Variants in ABCG1 observed in about 807,000 individuals in gnomAD.
ABCG1 encodes the protein ATP binding cassette subfamily G member 1, also known as ATP-binding cassette sub-family G member 1.
In ABCG1, 29 loss-of-function variants were observed where a neutral mutation model predicts 69.2. The ratio of observed to expected loss-of-function variants is 0.42; its 90% CI spans 0.31 to 0.57. ABCG1 has a LOEUF of 0.57. ABCG1 is among the 20% of genes least tolerant of loss of function. The probability of loss-of-function intolerance (pLI) is 0.15; values close to 1 mark genes in which losing one functional copy is unlikely to be tolerated. For synonymous variants in ABCG1, 370 were observed against 374.8 expected (o/e 0.99, Z 0.15); for missense variants, 718 against 898.1 (o/e 0.80, Z 2.56).
At chr21:42,249,905 T>C (rs954185988) in intron 2 of ABCG1, among the ~76,000 whole-genome samples, 9 of 151,708 alleles carry the variant, frequency 5.9e-5, no homozygotes, top group African/African-American at 2.2e-4. Flanking sequence ...CTTGGGAGGC[T>C]GAGGCAGGAG....
rs2068824188 is a variant in ABCG1, at chr21:42,282,270, C to A, written c.589-4C>A. 6.2e-7 allele frequency: 1 copy of A among 1,610,628 alleles called. No individual in the cohort carries two copies. Among genetic ancestry groups the A allele is most frequent in the Non-Finnish European group, 8.5e-7 (1 of 1,179,258 alleles). ...CCCAATGTCTCTCGTTCTGTTGCCC[C>A]CAGGTCAAGGAGATACTGACAGCGC... On this transcript the variant is annotated splice_polypyrimidine_tract_variant and splice_region_variant and intron_variant, in intron 5 of 14. Transcript: ENST00000398449.
At chr21:42,224,871 A>G (rs185790428) in intron 1 of ABCG1, among the ~76,000 whole-genome samples, 185 of 152,178 alleles carry the variant, frequency 1.2e-3, no homozygotes, top group African/African-American at 3.8e-3. Flanking sequence ...TTGACTCCCA[A>G]TGGAAGCTTT....
At chr21:42,206,713 TC>T (rs2067545771) in intron 2 of ABCG1, among the ~76,000 whole-genome samples, 1 of 152,232 alleles carries the variant, frequency 6.6e-6, no homozygotes, top group South Asian at 2.1e-4. Context: ...TGCCTCAGCC[TC>T]TCAAAGTGCT....
chr21:42,285,842 G>A (rs372608997), intron 7 of ABCG1, 38 bp from the exon 8 acceptor site: 21 of 1,454,372 alleles, frequency 1.4e-5, no homozygotes, highest in Admixed American at 3.4e-5. Flanking sequence ...TCCGAGGAAG[G>A]CAGGGCTTGA....
chr21:42,284,732 C>T lies in ABCG1; in HGVS notation c.858+49C>T, dbSNP rs1334772982. ...CGCCAGATTACCACTGCACTCAGGT[C>T]AGCCTGAATGACACCAAACCCTGGG... On this transcript the variant is annotated intron_variant, in intron 7 of 14. Transcript: ENST00000398449. 8 of 1,599,162 alleles carry T rather than the reference C, an allele frequency of 5.0e-6. No homozygotes were observed. In the African/African-American group the frequency reaches 1.1e-4, roughly 21 times the overall value.
At chr21:42,214,670 G>T (rs1037577100), upstream of ABCG1, among the ~76,000 whole-genome samples, 5 of 152,346 alleles carry the variant, frequency 3.3e-5, no homozygotes, top group Admixed American at 3.3e-4. Flanking sequence ...AGAGCCACAA[G>T]CCCTCTTTCC....
chr21:42,240,694 C>T lies in ABCG1; in HGVS notation c.286+14780C>T, dbSNP rs187530527. 2.3e-4 allele frequency among the ~76,000 whole-genome samples: 35 copies of T among 152,372 alleles called. 1 individual carries two copies. In the East Asian group the frequency reaches 6.0e-3, roughly 26 times the overall value. On this transcript the variant is annotated intron_variant, in intron 2 of 14. Transcript: ENST00000398449. Reference sequence around the variant, plus strand: ...AACTGCTGACCTCAGGTGATCCACCCGCCTTGGCCTCCCAAAATGCTGGGA... The same window carrying T: ...AACTGCTGACCTCAGGTGATCCACCTGCCTTGGCCTCCCAAAATGCTGGGA...
At chr21:42,267,310 C>G (rs1569227292) in intron 2 of ABCG1, among the ~76,000 whole-genome samples, 1 of 152,182 alleles carries the variant, frequency 6.6e-6, no homozygotes. Flanking sequence ...TAGGTCTAAT[C>G]TGGGTTCTCT....
intron 5 of ABCG1, among the ~76,000 whole-genome samples, chr21:42,277,934 T>C (rs2068739306): frequency 6.6e-6 from 1 of 152,194 alleles, no homozygotes; most frequent in Non-Finnish European, 1.5e-5. Context: ...AAAAAAGAGT[T>C]GGACAACCTT....
At chr21:42,293,849 A>G (rs1030981657) in intron 13 of ABCG1, among the ~76,000 whole-genome samples, 6 of 147,612 alleles carry the variant, frequency 4.1e-5, no homozygotes, top group Non-Finnish European at 9.0e-5. Flanking sequence ...ACTACACACT[A>G]GAAACATCAC....
intron 14 of ABCG1, 200 bp downstream of exon 14, chr21:42,294,860 G>A: frequency 1.8e-6 from 1 of 569,138 alleles, no homozygotes; most frequent in Non-Finnish European, 3.2e-6. Context: ...TAAACAAGGA[G>A]GCCACACAAA....
chr21:42,210,959 CT>C lies in ABCG1; in HGVS notation c.48+9254del, dbSNP rs1555945834. 9.7e-3 allele frequency among the ~76,000 whole-genome samples: 1,332 copies of C among 137,334 alleles called. 3 individuals are homozygous for C. Among genetic ancestry groups the C allele is most frequent in the African/African-American group, 0.011 (412 of 37,346 alleles). The allele number at this position is 137,334 out of a possible 152,430, so 90.1% of individuals were successfully genotyped here. On this transcript the variant is annotated intron_variant, in intron 2 of 15. Coordinates refer to the ABCG1 transcript ENST00000398457. ...GATTAAGCATTCTCATTTCTTTCTT[CT>C]TTTTTTTTTTTTTTTTTGAGACCAA...
intron 1 of ABCG1, among the ~76,000 whole-genome samples, chr21:42,224,341 G>A (rs773880284): frequency 1.3e-5 from 2 of 152,230 alleles, no homozygotes; most frequent in African/African-American, 4.8e-5. Context: ...TGCCACAGGG[G>A]CATTGGGACC....
At chr21:42,294,863 C>T in intron 14 of ABCG1, 1 of 564,986 alleles carries the variant, frequency 1.8e-6, no homozygotes, top group Non-Finnish European at 3.2e-6. Flanking sequence ...ACAAGGAGGC[C>T]ACACAAACCA....
intron 2 of ABCG1, among the ~76,000 whole-genome samples, chr21:42,263,074 C>T (rs1388684070): frequency 2.0e-5 from 3 of 152,214 alleles, no homozygotes; most frequent in Non-Finnish European, 2.9e-5. Flanking sequence ...TGACAGGTCT[C>T]GGTTCTCTTT....
intron 2 of ABCG1, chr21:42,259,236 G>A (rs943611715): frequency 1.1e-5 from 16 of 1,454,736 alleles, no homozygotes; most frequent in Non-Finnish European, 1.5e-5. Context: ...CAAAGTTCTG[G>A]AGCAGAGTCA....
intron 2 of ABCG1, among the ~76,000 whole-genome samples, chr21:42,230,022 G>T (rs2067878160): frequency 6.6e-6 from 1 of 152,184 alleles, no homozygotes; most frequent in African/African-American, 2.4e-5. Flanking sequence ...ACTTTATGAA[G>T]TCCTACGTAA....
At chr21:42,261,820 G>T (rs545752478) in intron 2 of ABCG1, among the ~76,000 whole-genome samples, 1 of 152,210 alleles carries the variant, frequency 6.6e-6, no homozygotes, top group Non-Finnish European at 1.5e-5. Flanking sequence ...AGGTCAGAAC[G>T]CTGAGCTATC....
chr21:42,216,819 G>A (rs1024898888), upstream of ABCG1, among the ~76,000 whole-genome samples: 10 of 152,194 alleles, frequency 6.6e-5, no homozygotes, highest in South Asian at 2.1e-4. Context: ...CTTCTTTCCC[G>A]ATCGGGCGCT....
Sources: allele counts gnomAD v4.1 joint callset (sites outside exome capture counted in the v4.1 genomes callset), GRCh38; gene constraint gnomAD v4.1.1; transcripts MANE v1.5; gene names NCBI Gene and HGNC (gene_info 2026-07-23, HGNC 2026-07-21).